The following EPB41L4A variants were observed in gnomAD, a reference collection of about 807,000 sequenced individuals.
EPB41L4A encodes band 4.1-like protein 4A.
A neutral mutation model predicts 108.6 loss-of-function variants in EPB41L4A; 100 were observed. The observed-to-expected ratio is 0.92, with a 90% confidence interval of 0.78 to 1.09. The LOEUF (loss-of-function observed/expected upper bound fraction) is 1.09. EPB41L4A is among the 50% of genes least tolerant of loss of function. EPB41L4A has a pLI of 0.00. For missense variants in EPB41L4A, 1,030 were observed against 842.7 expected, an observed-to-expected ratio of 1.22 and a Z score of -2.75; for synonymous variants, 319 against 289.0, an observed-to-expected ratio of 1.10 and a Z score of -1.05.
intron 14 of EPB41L4A, 72 bp downstream of exon 14, chr5:112,205,349 C>T: frequency 7.7e-7 from 1 of 1,297,056 alleles, no homozygotes; most frequent in South Asian, 1.2e-5. Flanking sequence ...AGCTGGATTC[C>T]TTTATTCAAT....
intron 1 of EPB41L4A, among the ~76,000 whole-genome samples, chr5:112,342,636 A>G (rs1256601881): frequency 6.6e-6 from 1 of 152,204 alleles, no homozygotes; most frequent in African/African-American, 2.4e-5. Flanking sequence ...AGCAGTCAGC[A>G]GCCAGCAGCA....
intron 13 of EPB41L4A, 59 bp from the exon 14 acceptor site, chr5:112,205,563 C>T: frequency 7.7e-7 from 1 of 1,306,724 alleles, no homozygotes; most frequent in South Asian, 1.3e-5. Flanking sequence ...AGTAAACTCA[C>T]ATACTTATTT....
intron 2 of EPB41L4A, among the ~76,000 whole-genome samples, chr5:112,280,990 A>G (rs1208188344): frequency 2.0e-5 from 3 of 152,224 alleles, no homozygotes; most frequent in African/African-American, 7.2e-5. Context: ...AGAGCAGTTC[A>G]GCACAGTGGC....
chr5:112,332,082 G>A (rs1297707180), intron 1 of EPB41L4A, among the ~76,000 whole-genome samples: 1 of 152,214 alleles, frequency 6.6e-6, no homozygotes, highest in Non-Finnish European at 1.5e-5. Flanking sequence ...TGTGAACCAA[G>A]AAGGAAAGCA....
chr5:112,309,798 A>G lies in EPB41L4A; in HGVS notation c.100-2308T>C, dbSNP rs1754930926. 3.3e-5 allele frequency among the ~76,000 whole-genome samples: 5 copies of G among 152,172 alleles called. No individual in the cohort carries two copies. In the South Asian group the frequency reaches 1.0e-3, roughly 31 times the overall value. ...GGGAAAAGCAGGGGGAAAGTCAACT[A>G]TATTCAAACCATGAGAAGGGTTCCA... On this transcript the variant is annotated intron_variant, in intron 1 of 22. Transcript: ENST00000261486.
chr5:112,342,310 A>T lies in EPB41L4A; in HGVS notation c.100-34820T>A, dbSNP rs1302224795. Among the ~76,000 whole-genome samples, 7 of 152,304 alleles carry T rather than the reference A, an allele frequency of 4.6e-5. No individual in the cohort carries two copies. The East Asian group carries it at 9.6e-4, about 21-fold the overall frequency. ...CTGTCTTTGCTCCTTTTCCCACTGA[A>T]TTACAGAAACATGAAATTTATCTTA... On this transcript the variant is annotated intron_variant, in intron 1 of 22. Transcript: ENST00000261486.
intron 1 of EPB41L4A, among the ~76,000 whole-genome samples, chr5:112,387,709 C>A (rs1428661030): frequency 2.0e-5 from 3 of 152,190 alleles, no homozygotes; most frequent in East Asian, 1.9e-4. Flanking sequence ...ACAGCTATCA[C>A]AAGACCTCCA....
chr5:112,254,354 T>C (rs1750915060), intron 9 of EPB41L4A, among the ~76,000 whole-genome samples: 1 of 152,186 alleles, frequency 6.6e-6, no homozygotes. Context: ...CTTTCCGTCT[T>C]TGCAGTGAGT....
chr5:112,239,675 T>C lies in EPB41L4A; in HGVS notation c.950A>G (p.Tyr317Cys), dbSNP rs370599906. The C allele has an allele frequency of 2.1e-5, 34 of 1,605,634 alleles. No individual in the cohort carries two copies. Among genetic ancestry groups the C allele is most frequent in the East Asian group, 6.7e-5 (3 of 44,446 alleles). Residue 317 changes from tyrosine to cysteine, a missense_variant, in exon 11 of 23, where the codon TAT becomes TGT. Transcript: ENST00000261486. ...RKLSKFGSIR[Y>C]KHRYSGRTAL... ...TGTCATTTACCTGTAGCGGTGCTTA[T>C]AACGTATGGATCCAAACTTGCTGAG...
chr5:112,356,093 G>A (rs1022385612), intron 1 of EPB41L4A, among the ~76,000 whole-genome samples: 6 of 152,084 alleles, frequency 3.9e-5, no homozygotes, highest in Non-Finnish European at 7.3e-5. Flanking sequence ...TTTTGGAAGG[G>A]GGGTAAGGTG....
At chr5:112,385,153 C>A (rs930347621) in intron 1 of EPB41L4A, among the ~76,000 whole-genome samples, 1 of 152,154 alleles carries the variant, frequency 6.6e-6, no homozygotes, top group Non-Finnish European at 1.5e-5. Flanking sequence ...GACAATGTGA[C>A]CCCGATCCTG....
intron 16 of EPB41L4A, among the ~76,000 whole-genome samples, chr5:112,195,130 C>T (rs558754907): frequency 1.3e-5 from 2 of 152,182 alleles, no homozygotes; most frequent in South Asian, 4.2e-4. Context: ...GCCCCTTAAC[C>T]GACTGGTAGC....
chr5:112,396,251 A>C (rs1761344171), intron 1 of EPB41L4A, among the ~76,000 whole-genome samples: 1 of 152,150 alleles, frequency 6.6e-6, no homozygotes, highest in Non-Finnish European at 1.5e-5. Flanking sequence ...AGTATAATTA[A>C]AAAAAATTAA....
chr5:112,209,510 C>T (rs549846482), intron 13 of EPB41L4A, among the ~76,000 whole-genome samples: 28 of 152,334 alleles, frequency 1.8e-4, no homozygotes, highest in Admixed American at 8.5e-4. Flanking sequence ...CAGTTCAGTG[C>T]ACCACTATAA....
intron 1 of EPB41L4A, among the ~76,000 whole-genome samples, chr5:112,339,533 T>G (rs1412093179): frequency 5.5e-5 from 6 of 108,494 alleles, no homozygotes; most frequent in East Asian, 6.2e-4. Context: ...TATATCTATA[T>G]ATATATATAT....
At chr5:112,223,857 C>T (rs1194150525) in intron 12 of EPB41L4A, among the ~76,000 whole-genome samples, 1 of 152,212 alleles carries the variant, frequency 6.6e-6, no homozygotes, top group African/African-American at 2.4e-5. Flanking sequence ...ATATTCATCT[C>T]GTCAGTTTGG....
chr5:112,312,178 C>A (rs1755097962), intron 1 of EPB41L4A, among the ~76,000 whole-genome samples: 1 of 152,050 alleles, frequency 6.6e-6, no homozygotes, highest in African/African-American at 2.4e-5. Context: ...TACACAAAAG[C>A]AAGCTCAGAA....
intron 9 of EPB41L4A, among the ~76,000 whole-genome samples, chr5:112,255,057 T>A (rs1750976229): frequency 6.6e-6 from 1 of 152,090 alleles, no homozygotes; most frequent in Non-Finnish European, 1.5e-5. Flanking sequence ...CATTGCTGCT[T>A]TCAGACCGTT....
intron 11 of EPB41L4A, among the ~76,000 whole-genome samples, chr5:112,238,753 G>A (rs186239905): frequency 1.3e-3 from 195 of 152,284 alleles, no homozygotes; most frequent in African/African-American, 4.4e-3. Flanking sequence ...ATAGCTCTTT[G>A]AAGGCAGAAG....
Sources: gnomAD v4.1 joint callset for allele counts (sites outside exome capture counted in the v4.1 genomes callset) on GRCh38, gnomAD v4.1.1 for gene constraint, MANE v1.5 for transcripts, NCBI Gene and HGNC (gene_info 2026-07-23, HGNC 2026-07-21) for gene names.